Variants in RAB27B observed in about 807,000 individuals in gnomAD.
The protein encoded by RAB27B is ras-related protein Rab-27B.
A neutral mutation model predicts 24.6 loss-of-function variants in RAB27B; 15 were observed. The ratio of observed to expected loss-of-function variants is 0.61; its 90% CI spans 0.41 to 0.94. RAB27B has a LOEUF of 0.94. Among genes scored for constraint, RAB27B ranks in the 40% least tolerant of loss-of-function variants. The pLI, the probability that RAB27B is intolerant of heterozygous loss-of-function variation, is 0.00. For missense variants in RAB27B, 261 were observed against 266.8 expected (o/e 0.98, Z 0.15); for synonymous variants, 105 against 92.5 (o/e 1.14, Z -0.78).
intron 2 of RAB27B, among the ~76,000 whole-genome samples, chr18:54,751,938 G>A (rs904258820): frequency 6.6e-6 from 1 of 152,130 alleles, no homozygotes; most frequent in Non-Finnish European, 1.5e-5. Flanking sequence ...GGGCTACAAA[G>A]TCACAATTTA....
chr18:54,719,887 T>G (rs565529584), intron 2 of RAB27B, among the ~76,000 whole-genome samples: 1 of 152,234 alleles, frequency 6.6e-6, no homozygotes, highest in South Asian at 2.1e-4. Flanking sequence ...AAACTTCAGT[T>G]TCATGTCAGA....
intron 2 of RAB27B, among the ~76,000 whole-genome samples, chr18:54,728,957 G>A (rs1909641644): frequency 9.3e-6 from 1 of 107,282 alleles, no homozygotes; most frequent in African/African-American, 3.4e-5. Context: ...ACAAATTCAG[G>A]AATTTTTGTT....
intron 2 of RAB27B, among the ~76,000 whole-genome samples, chr18:54,774,713 T>C (rs1048404097): frequency 1.3e-5 from 2 of 152,260 alleles, no homozygotes; most frequent in Non-Finnish European, 2.9e-5. Context: ...TTCTATTCTG[T>C]AATAAAGAAA....
At chr18:54,864,755 CTATT>C (rs1912145197) in intron 1 of RAB27B, among the ~76,000 whole-genome samples, 1 of 152,128 alleles carries the variant, frequency 6.6e-6, no homozygotes, top group South Asian at 2.1e-4. Context: ...TTCCATTGAT[CTATT>C]TGTCTATCCT....
intron 2 of RAB27B, among the ~76,000 whole-genome samples, chr18:54,811,137 C>T (rs1333409016): frequency 6.6e-6 from 1 of 152,062 alleles, no homozygotes; most frequent in Non-Finnish European, 1.5e-5. Flanking sequence ...CTGAGTCACT[C>T]TTGAGAAATA....
chr18:54,739,649 G>T (rs547953381), intron 2 of RAB27B, among the ~76,000 whole-genome samples: 24 of 151,386 alleles, frequency 1.6e-4, no homozygotes, highest in Admixed American at 1.6e-3. Flanking sequence ...ATACCTAAGA[G>T]TGGAATGGCT....
rs1377836536 is a variant in RAB27B at position 54,894,877 on chromosome 18, A to G, written c.*5464A>G. Reference sequence around the variant, plus strand: ...ACACTAATTTTCATACAGTAGAGGTATTGAAAACTGAAAATGGGAAGGCAA... The same window carrying G: ...ACACTAATTTTCATACAGTAGAGGTGTTGAAAACTGAAAATGGGAAGGCAA... On this transcript the variant is annotated 3_prime_UTR_variant, in exon 6 of 6. Transcript: ENST00000262094. 1.3e-5 allele frequency: 2 copies of G among 152,132 alleles called. No homozygotes were observed. Among genetic ancestry groups the G allele is most frequent in the Admixed American group, 1.3e-4 (2 of 15,266 alleles). 9.4% of individuals were successfully genotyped at this position (152,132 alleles called of 1,614,324 possible). A position where few individuals can be genotyped will look rare whatever the true frequency, so the allele number is the denominator to read the frequency against.
Position 54,888,034 on chromosome 18 carries a change from T to TTTTGTTGCC in RAB27B, c.383_384insTTTGTTGCC (p.Ile128_Val129insLeuLeuPro), listed in dbSNP as rs1385727422. On this transcript the variant is annotated inframe_insertion, in exon 5 of 6. Coordinates refer to ENST00000262094, the MANE Select transcript of RAB27B (RefSeq NM_004163.4). Reference sequence around the variant, plus strand: ...AATGCTTATTGTGAAAATCCAGATATAGTATTAATTGGCAACAAGGCAGAC... The same window carrying TTTTGTTGCC: ...AATGCTTATTGTGAAAATCCAGATATTTTGTTGCCAGTATTAATTGGCAACAAGGCAGAC... 6.2e-7 allele frequency: 1 copy of TTTTGTTGCC among 1,612,732 alleles called. No homozygotes were observed. Among genetic ancestry groups the TTTTGTTGCC allele is most frequent in the East Asian group, 2.2e-5 (1 of 44,852 alleles).
intron 2 of RAB27B, among the ~76,000 whole-genome samples, chr18:54,782,020 T>C (rs1908933222): frequency 6.6e-6 from 1 of 152,244 alleles, no homozygotes; most frequent in African/African-American, 2.4e-5. Context: ...TTATTAATTA[T>C]AGGGATATTT....
chr18:54,742,788 G>A (rs1910107928), intron 2 of RAB27B, among the ~76,000 whole-genome samples: 1 of 152,160 alleles, frequency 6.6e-6, no homozygotes, highest in Admixed American at 6.5e-5. Context: ...GCTTCCAGTT[G>A]CATAACACTG....
At chr18:54,821,006 T>G (rs1384298666) in intron 2 of RAB27B, among the ~76,000 whole-genome samples, 2 of 152,144 alleles carry the variant, frequency 1.3e-5, no homozygotes, top group Admixed American at 6.5e-5. Context: ...ACCATGCTGT[T>G]TTGGTTACTG....
intron 2 of RAB27B, among the ~76,000 whole-genome samples, chr18:54,725,876 T>C (rs1200421826): frequency 6.6e-6 from 1 of 151,598 alleles, no homozygotes; most frequent in Non-Finnish European, 1.5e-5. Flanking sequence ...TGCAATGTGT[T>C]CATAAACACT....
chr18:54,878,548 G>C (rs192781571), intron 2 of RAB27B, among the ~76,000 whole-genome samples: 1 of 152,220 alleles, frequency 6.6e-6, no homozygotes, highest in Admixed American at 6.6e-5. Context: ...TGCTGGACCT[G>C]ATCTGAAAGT....
At chr18:54,799,491 T>A (rs1165757533) in intron 2 of RAB27B, among the ~76,000 whole-genome samples, 1 of 152,108 alleles carries the variant, frequency 6.6e-6, no homozygotes. Flanking sequence ...TGTTTCAGAT[T>A]GATTTATACA....
intron 4 of RAB27B, chr18:54,885,781 A>G (rs1913109926): frequency 6.5e-6 from 1 of 154,272 alleles, no homozygotes; most frequent in Admixed American, 6.5e-5. Flanking sequence ...GGTTTAATTG[A>G]CTCACAGTTC....
At chr18:54,840,221 C>T (rs924555886) in intron 1 of RAB27B, among the ~76,000 whole-genome samples, 4 of 152,090 alleles carry the variant, frequency 2.6e-5, no homozygotes, top group Admixed American at 2.6e-4. Context: ...ATTAATCTTT[C>T]TTAGAACTTT....
intron 2 of RAB27B, among the ~76,000 whole-genome samples, chr18:54,804,930 C>A (rs1909738372): frequency 6.6e-5 from 6 of 91,136 alleles, no homozygotes; most frequent in Non-Finnish European, 1.4e-4. Flanking sequence ...TTCTTTCTTT[C>A]TTTCTTTCTT....
At chr18:54,752,663 A>G (rs1366988504) in intron 2 of RAB27B, among the ~76,000 whole-genome samples, 2 of 152,176 alleles carry the variant, frequency 1.3e-5, no homozygotes, top group Non-Finnish European at 2.9e-5. Context: ...TAGGCAATTG[A>G]CTGGAGCAGT....
intron 2 of RAB27B, among the ~76,000 whole-genome samples, chr18:54,755,247 G>A (rs1568053734): frequency 6.6e-6 from 1 of 152,038 alleles, no homozygotes; most frequent in Non-Finnish European, 1.5e-5. Context: ...AAAATTAGCT[G>A]GGCATGGTGG....
Sources: allele counts gnomAD v4.1 joint callset (sites outside exome capture counted in the v4.1 genomes callset), GRCh38; gene constraint gnomAD v4.1.1; transcripts MANE v1.5; gene names NCBI Gene and HGNC (gene_info 2026-07-23, HGNC 2026-07-21).